The following ARHGAP44 variants were observed in gnomAD, a reference collection of about 807,000 sequenced individuals.
ARHGAP44 encodes rho GTPase-activating protein 44.
In ARHGAP44, 43 loss-of-function variants were observed where a neutral mutation model predicts 106.8. That is an observed-to-expected ratio of 0.40 (90% CI 0.32 to 0.52). The LOEUF (loss-of-function observed/expected upper bound fraction) is 0.52. Among genes scored for constraint, ARHGAP44 ranks in the 20% least tolerant of loss-of-function variants. The probability of loss-of-function intolerance (pLI) is 0.48; values close to 1 mark genes in which losing one functional copy is unlikely to be tolerated. For missense variants in ARHGAP44, 866 were observed against 1,050.5 expected, an observed-to-expected ratio of 0.82 and a Z score of 2.43; for synonymous variants, 439 against 410.3, an observed-to-expected ratio of 1.07 and a Z score of -0.85.
chr17:12,957,669 G>A (rs2039163137), intron 15 of ARHGAP44, among the ~76,000 whole-genome samples: 2 of 152,160 alleles, frequency 1.3e-5, no homozygotes, highest in African/African-American at 2.4e-5. Flanking sequence ...GATGTTCTGA[G>A]CCACAGAAGC....
intron 1 of ARHGAP44, among the ~76,000 whole-genome samples, chr17:12,888,328 C>A (rs758241094): frequency 6.6e-6 from 1 of 152,142 alleles, no homozygotes; most frequent in Non-Finnish European, 1.5e-5. Flanking sequence ...AATTTTTAAA[C>A]ATCTGCCTTG....
At position 12,823,156 on chromosome 17, in the gene ARHGAP44, C is replaced by T. The variant is rs375415306; in HGVS notation, c.53+33265C>T. 8.7e-4 allele frequency among the ~76,000 whole-genome samples: 132 copies of T among 152,232 alleles called. 1 individual carries two copies. The highest frequency in any genetic ancestry group is 3.1e-3 in the African/African-American group (128 of 41,534). Reference sequence around the variant, plus strand: ...ATGAATCTTCAGAGTCTCAGTTTCCCTTAATACTTCTAATCAACTTGGTAA... The same window carrying T: ...ATGAATCTTCAGAGTCTCAGTTTCCTTTAATACTTCTAATCAACTTGGTAA... On this transcript the variant is annotated intron_variant, in intron 1 of 20. Coordinates refer to ENST00000379672, the MANE Select transcript of ARHGAP44 (RefSeq NM_014859.6).
chr17:12,983,668 G>A (rs1252330122), intron 19 of ARHGAP44, among the ~76,000 whole-genome samples: 1 of 152,104 alleles, frequency 6.6e-6, no homozygotes, highest in South Asian at 2.1e-4. Flanking sequence ...GCCAGGCGTG[G>A]TGGTGGGCGC....
intron 4 of ARHGAP44, among the ~76,000 whole-genome samples, chr17:12,909,969 A>C (rs1308960481): frequency 3.9e-5 from 6 of 152,240 alleles, no homozygotes; most frequent in Admixed American, 6.5e-5. Flanking sequence ...TAAAATAGCA[A>C]TTAAACTGTT....
chr17:12,820,445 T>C (rs932716202), intron 1 of ARHGAP44, among the ~76,000 whole-genome samples: 3 of 152,154 alleles, frequency 2.0e-5, no homozygotes, highest in Admixed American at 1.3e-4. Context: ...GAGTATTAAA[T>C]TCCAGGTTTA....
In ARHGAP44 at chr17:12,984,643, C is replaced by G. The variant is rs1330260151; in HGVS notation, c.2052C>G (p.Pro684=). ...CAGTCAGCCTGTCCCCCACCCCGCC[C>G]AGCACCCCGTCACCCTATGGACTGA... is the stretch of plus-strand genomic sequence containing the variant. ...PSPVSLSPTP[P]STPSPYGLSY... Residue 684 remains proline, a synonymous_variant, in exon 20 of 21, where the codon CCC becomes CCG. Transcript: ENST00000379672. 6.2e-7 allele frequency: 1 copy of G among 1,612,454 alleles called. No individual in the cohort carries two copies. The highest frequency in any genetic ancestry group is 8.5e-7 in the Non-Finnish European group (1 of 1,179,300).
chr17:12,858,733 G>T (rs931022144), intron 1 of ARHGAP44, among the ~76,000 whole-genome samples: 5 of 152,096 alleles, frequency 3.3e-5, no homozygotes, highest in Admixed American at 6.6e-5. Flanking sequence ...ATTAGAGTGG[G>T]CCTTTGTATT....
intron 1 of ARHGAP44, among the ~76,000 whole-genome samples, chr17:12,884,914 T>G (rs989755672): frequency 6.6e-6 from 1 of 152,146 alleles, no homozygotes; most frequent in African/African-American, 2.4e-5. Flanking sequence ...TGTTTGTTTG[T>G]TTTTGAGATG....
intron 7 of ARHGAP44, among the ~76,000 whole-genome samples, chr17:12,938,598 A>AAAG (rs2038619187): frequency 6.6e-6 from 1 of 151,552 alleles, no homozygotes; most frequent in East Asian, 1.9e-4. Flanking sequence ...AAAAAAAAAA[A>AAAG]AAAAACAGCT....
At chr17:12,931,085 G>A (rs1169876921) in intron 7 of ARHGAP44, among the ~76,000 whole-genome samples, 3 of 152,072 alleles carry the variant, frequency 2.0e-5, no homozygotes, top group Admixed American at 2.0e-4. Context: ...GTTCTGTTTT[G>A]TTTTGAGACA....
chr17:12,896,014 A>G (rs993014703), intron 2 of ARHGAP44, among the ~76,000 whole-genome samples: 1 of 151,358 alleles, frequency 6.6e-6, no homozygotes, highest in Non-Finnish European at 1.5e-5. Flanking sequence ...CAGAAAATCA[A>G]ACACCACATG....
At chr17:12,833,877 G>A (rs140641346) in intron 1 of ARHGAP44, among the ~76,000 whole-genome samples, 41 of 152,208 alleles carry the variant, frequency 2.7e-4, no homozygotes, top group African/African-American at 8.2e-4. Context: ...GTTAATGTAA[G>A]GGGTTGTGGA....
intron 1 of ARHGAP44, among the ~76,000 whole-genome samples, chr17:12,870,562 G>A (rs748034479): frequency 4.6e-5 from 7 of 152,120 alleles, no homozygotes; most frequent in Non-Finnish European, 1.0e-4. Context: ...GTGGAGAAGG[G>A]TTTATAATGA....
At chr17:12,858,833 G>C (rs1436429147) in intron 1 of ARHGAP44, among the ~76,000 whole-genome samples, 1 of 152,214 alleles carries the variant, frequency 6.6e-6, no homozygotes, top group Non-Finnish European at 1.5e-5. Context: ...GTTCCACATG[G>C]CTGGGGAGGC....
chr17:12,839,566 A>T (rs1308485783), intron 1 of ARHGAP44, among the ~76,000 whole-genome samples: 1 of 152,056 alleles, frequency 6.6e-6, no homozygotes, highest in Admixed American at 6.5e-5. Context: ...ACTTGCTGGG[A>T]ATTATTTGTA....
chr17:12,919,652 C>G, intron 5 of ARHGAP44, 103 bp from the exon 6 acceptor site: 1 of 934,606 alleles, frequency 1.1e-6, no homozygotes. Flanking sequence ...TCCCAAAGTG[C>G]TGGGATTAGA....
intron 1 of ARHGAP44, among the ~76,000 whole-genome samples, chr17:12,829,151 T>C (rs1017111990): frequency 6.6e-6 from 1 of 152,176 alleles, no homozygotes; most frequent in Non-Finnish European, 1.5e-5. Flanking sequence ...CTTAAAACTA[T>C]TGTGTCTTGG....
At chr17:12,920,061 A>G (rs2038029252) in intron 6 of ARHGAP44, among the ~76,000 whole-genome samples, 1 of 152,082 alleles carries the variant, frequency 6.6e-6, no homozygotes, top group Admixed American at 6.5e-5. Flanking sequence ...AAGAAACAAG[A>G]CAGTTCTAGA....
intron 1 of ARHGAP44, 25 bp from the exon 2 acceptor site, chr17:12,894,915 A>G: frequency 6.4e-7 from 1 of 1,570,746 alleles, no homozygotes; most frequent in Non-Finnish European, 8.6e-7. Flanking sequence ...TTTGTTACTG[A>G]TATGTTTCTC....
Sources: allele counts gnomAD v4.1 joint callset (sites outside exome capture counted in the v4.1 genomes callset), GRCh38; gene constraint gnomAD v4.1.1; transcripts MANE v1.5; gene names NCBI Gene and HGNC (gene_info 2026-07-23, HGNC 2026-07-21).